The following DSCAM variants were observed in gnomAD, a reference collection of about 807,000 sequenced individuals.
DSCAM encodes the protein DS cell adhesion molecule.
In DSCAM, 47 loss-of-function variants were observed where a neutral mutation model predicts 217.7. The ratio of observed to expected loss-of-function variants is 0.22; its 90% CI spans 0.17 to 0.28. The LOEUF (loss-of-function observed/expected upper bound fraction) is 0.28, where lower values mean the gene tolerates loss of function less well. DSCAM is among the 10% of genes least tolerant of loss of function. The pLI is 1.00. For synonymous variants in DSCAM, 1,056 were observed against 1,015.3 expected (o/e 1.04, Z -0.76); for missense variants, 2,080 against 2,618.3 (o/e 0.79, Z 4.49).
rs72076559 is a variant in DSCAM, at chr21:40,141,975, T to TACACACACACAC, written c.3406+571_3406+582dup. On this transcript the variant is annotated intron_variant, in intron 18 of 32. Transcript: ENST00000400454. Reference sequence around the variant, plus strand: ...GAACATTTTGCCCTACCACTTGAAATACACACACACACACACACACACACG... The same window carrying TACACACACACAC: ...GAACATTTTGCCCTACCACTTGAAATACACACACACACACACACACACACACACACACACACG... Among the ~76,000 whole-genome samples the TACACACACACAC allele has an allele frequency of 9.8e-3, 1,403 of 143,152 alleles. 14 individuals are homozygous for TACACACACACAC. Among genetic ancestry groups the TACACACACACAC allele is most frequent in the Non-Finnish European group, 0.013 (888 of 66,656 alleles). The allele number at this position is 143,152 out of a possible 152,430, so 93.9% of individuals were successfully genotyped here. A position where few individuals can be genotyped will look rare whatever the true frequency, so the allele number is the denominator to read the frequency against.
chr21:40,039,159 AAGT>A (rs2088692479), intron 32 of DSCAM, among the ~76,000 whole-genome samples: 3 of 147,322 alleles, frequency 2.0e-5, no homozygotes, highest in Non-Finnish European at 4.6e-5. Flanking sequence ...CTGAAACTTA[AAGT>A]ATAATAATAA....
chr21:40,180,490 A>C (rs1469129888), intron 14 of DSCAM, among the ~76,000 whole-genome samples: 1 of 152,182 alleles, frequency 6.6e-6, no homozygotes. Context: ...AAGGGGAAGA[A>C]TGGGATTCAA....
intron 30 of DSCAM, among the ~76,000 whole-genome samples, chr21:40,051,000 C>T (rs943217812): frequency 6.6e-6 from 1 of 152,288 alleles, no homozygotes; most frequent in African/African-American, 2.4e-5. Context: ...CTGTATATTA[C>T]AATGTTATTT....
intron 3 of DSCAM, among the ~76,000 whole-genome samples, chr21:40,498,170 C>T (rs1288150377): frequency 1.3e-5 from 2 of 152,140 alleles, no homozygotes. Flanking sequence ...GTGCCTCCTT[C>T]ACAATGAGAG....
intron 14 of DSCAM, among the ~76,000 whole-genome samples, chr21:40,181,138 C>A (rs558148674): frequency 6.6e-6 from 1 of 152,160 alleles, no homozygotes; most frequent in Non-Finnish European, 1.5e-5. Flanking sequence ...CTTTTCAGAT[C>A]TTGGATGTCC....
chr21:40,785,622 T>C (rs2091586539), intron 1 of DSCAM, among the ~76,000 whole-genome samples: 1 of 152,260 alleles, frequency 6.6e-6, no homozygotes, highest in South Asian at 2.1e-4. Context: ...CGCCAACCTC[T>C]GGGATGTGGC....
intron 3 of DSCAM, among the ~76,000 whole-genome samples, chr21:40,501,665 C>A (rs1422758834): frequency 6.6e-6 from 1 of 152,320 alleles, no homozygotes; most frequent in Middle Eastern, 3.4e-3. Context: ...GATCTCTGCT[C>A]ACAGCAACCT....
At chr21:40,773,411 C>T (rs1271795893) in intron 1 of DSCAM, among the ~76,000 whole-genome samples, 1 of 152,178 alleles carries the variant, frequency 6.6e-6, no homozygotes, top group Non-Finnish European at 1.5e-5. Context: ...CCTTCTTCTC[C>T]CTGTGTCTTC....
chr21:40,061,501 G>A lies in DSCAM; in HGVS notation c.4919+1368C>T, dbSNP rs573735606. On this transcript the variant is annotated intron_variant, in intron 28 of 32. Transcript: ENST00000400454. ...GGAAAATCGCTTGAACCTCTGAGGCGGAGGTTGCAGTGAGCCAAGACCGCA... is the reference window on the plus strand; with the variant it reads ...GGAAAATCGCTTGAACCTCTGAGGCAGAGGTTGCAGTGAGCCAAGACCGCA... Among the ~76,000 whole-genome samples the A allele has an allele frequency of 1.1e-3, 162 of 151,656 alleles. 1 individual carries two copies. Among genetic ancestry groups the A allele is most frequent in the African/African-American group, 3.8e-3 (156 of 41,316 alleles).
At chr21:40,319,007 T>C in intron 8 of DSCAM, among the ~76,000 whole-genome samples, 1 of 152,182 alleles carries the variant, frequency 6.6e-6, no homozygotes, top group Non-Finnish European at 1.5e-5. Flanking sequence ...GGATCTATCT[T>C]TAAGGTTTCC....
chr21:40,542,633 G>C (rs140162436), intron 3 of DSCAM, among the ~76,000 whole-genome samples: 6 of 152,182 alleles, frequency 3.9e-5, no homozygotes, highest in Admixed American at 1.3e-4. Flanking sequence ...AGGAAGCAAG[G>C]CTTCCCCAGA....
chr21:40,128,340 T>C (rs79216280), intron 19 of DSCAM, among the ~76,000 whole-genome samples: 79 of 151,836 alleles, frequency 5.2e-4, no homozygotes, highest in African/African-American at 1.8e-3. Flanking sequence ...CTAGTGTATG[T>C]GCCTGGGTGA....
At chr21:40,534,568 CTT>C (rs2076480598) in intron 3 of DSCAM, among the ~76,000 whole-genome samples, 1 of 152,150 alleles carries the variant, frequency 6.6e-6, no homozygotes, top group Non-Finnish European at 1.5e-5. Context: ...CCCCAGAACT[CTT>C]GCTTCACTCT....
At chr21:40,680,939 T>A (rs1203213062) in intron 3 of DSCAM, among the ~76,000 whole-genome samples, 1 of 152,190 alleles carries the variant, frequency 6.6e-6, no homozygotes, top group African/African-American at 2.4e-5. Flanking sequence ...ACTTCCCCCA[T>A]ACATGAGCCT....
intron 3 of DSCAM, among the ~76,000 whole-genome samples, chr21:40,653,666 C>A (rs2090040978): frequency 1.3e-5 from 2 of 152,090 alleles, no homozygotes; most frequent in Admixed American, 6.6e-5. Flanking sequence ...TGGAGAAGAC[C>A]CCGCGTTGAC....
intron 3 of DSCAM, among the ~76,000 whole-genome samples, chr21:40,631,900 A>G (rs2089696001): frequency 6.6e-6 from 1 of 152,234 alleles, no homozygotes; most frequent in Non-Finnish European, 1.5e-5. Context: ...CTTTGACACT[A>G]TCCTCGCCAC....
At chr21:40,015,974 T>C (rs550920365) in intron 32 of DSCAM, among the ~76,000 whole-genome samples, 4 of 152,194 alleles carry the variant, frequency 2.6e-5, no homozygotes, top group Non-Finnish European at 4.4e-5. Context: ...GGGGTATTTG[T>C]GCAGTACACT....
intron 3 of DSCAM, among the ~76,000 whole-genome samples, chr21:40,588,007 C>A (rs2146237450): frequency 6.6e-6 from 1 of 152,314 alleles, no homozygotes. Flanking sequence ...TGCTTCCATT[C>A]AGCTGGGTGC....
chr21:40,077,110 C>T (rs2089376463), intron 26 of DSCAM, among the ~76,000 whole-genome samples: 1 of 152,148 alleles, frequency 6.6e-6, no homozygotes, highest in Non-Finnish European at 1.5e-5. Flanking sequence ...TGAAAAGCAT[C>T]AGCCCTTGAA....
Sources: gnomAD v4.1 joint callset for allele counts (sites outside exome capture counted in the v4.1 genomes callset) on GRCh38, gnomAD v4.1.1 for gene constraint, MANE v1.5 for transcripts, NCBI Gene and HGNC (gene_info 2026-07-23, HGNC 2026-07-21) for gene names.